The following AGPAT3 variants were observed in gnomAD, a reference collection of about 807,000 sequenced individuals.
AGPAT3 encodes 1-acyl-sn-glycerol-3-phosphate acyltransferase gamma.
AGPAT3 carries 5 observed loss-of-function variants against 47.3 expected under a neutral mutation model. The ratio of observed to expected loss-of-function variants is 0.11; its 90% CI spans 0.06 to 0.22. The LOEUF (loss-of-function observed/expected upper bound fraction) is 0.22, where lower values mean the gene tolerates loss of function less well. AGPAT3 is among the 10% of genes least tolerant of loss of function. The pLI is 1.00. For synonymous variants in AGPAT3, 212 were observed against 208.3 expected (o/e 1.02, Z -0.15); for missense variants, 315 against 493.0 (o/e 0.64, Z 3.42).
chr21:43,972,965 A>G (rs3788094), intron 7 of AGPAT3, among the ~76,000 whole-genome samples: 60,471 of 152,094 alleles, frequency 0.4, 12,832 homozygotes, highest in African/African-American at 0.55. Context: ...GTGCGTCCTG[A>G]TCAGCCGAGC....
At position 43,922,266 on chromosome 21, in the gene AGPAT3, T is replaced by C. The variant is rs1376363656; in HGVS notation, c.-49+18247T>C. ...GAGGAGTGGATGTGACGGAGGAGGC[T>C]CCTGTTCTTGTGGGGGTGGCGAGGC... is the stretch of plus-strand genomic sequence containing the variant. On this transcript the variant is annotated intron_variant, in intron 2 of 9. Coordinates refer to ENST00000291572, the MANE Select transcript of AGPAT3 (RefSeq NM_020132.5). The surrounding 1 kb of genome is among the most constrained non-coding windows in gnomAD (Gnocchi z 4.9). 3.3e-5 allele frequency among the ~76,000 whole-genome samples: 5 copies of C among 151,982 alleles called. No individual in the cohort carries two copies. The highest frequency in any genetic ancestry group is 1.2e-4 in the African/African-American group (5 of 41,366).
chr21:43,885,385 T>C (rs2085951834), intron 1 of AGPAT3, among the ~76,000 whole-genome samples: 1 of 148,764 alleles, frequency 6.7e-6, no homozygotes, highest in Admixed American at 6.6e-5. Flanking sequence ...CCAGTTTTTC[T>C]TTTTTCTTTT....
intron 7 of AGPAT3, among the ~76,000 whole-genome samples, chr21:43,974,310 T>A (rs1245156017): frequency 6.6e-6 from 1 of 151,784 alleles, no homozygotes; most frequent in Admixed American, 6.6e-5. Context: ...TCGTGTGGGG[T>A]GATGTATGTG....
Position 43,922,223 on chromosome 21 carries a change from C to T in AGPAT3, c.-49+18204C>T, listed in dbSNP as rs1167162254. On this transcript the variant is annotated intron_variant, in intron 2 of 9. Coordinates refer to ENST00000291572, the MANE Select transcript of AGPAT3 (RefSeq NM_020132.5). The surrounding 1 kb of genome is among the most constrained non-coding windows in gnomAD (Gnocchi z 4.9). ...ACGTGTGTGATGCATTTATCAGGGC[C>T]TTTCTCAGCCTGGGGACGAGGAGTG... 1.3e-5 allele frequency among the ~76,000 whole-genome samples: 2 copies of T among 152,102 alleles called. No homozygotes were observed.
chr21:43,910,353 C>T lies in AGPAT3; in HGVS notation c.-49+6334C>T, dbSNP rs568069344. On this transcript the variant is annotated intron_variant, in intron 2 of 9. Coordinates refer to ENST00000291572, the MANE Select transcript of AGPAT3 (RefSeq NM_020132.5). ...AGGTGTCTCCCAGCGGCTGTGGCCG[C>T]GCGTATTGCCAGCAGCAGTCTAGGG... 1.9e-4 allele frequency among the ~76,000 whole-genome samples: 29 copies of T among 152,230 alleles called. 1 individual carries two copies. The South Asian group carries it at 6.0e-3, about 32-fold the overall frequency.
At chr21:43,899,738 C>CGT (rs1396248009) in intron 1 of AGPAT3, among the ~76,000 whole-genome samples, 4 of 151,960 alleles carry the variant, frequency 2.6e-5, no homozygotes, top group East Asian at 1.9e-4. Context: ...GGCATCACCT[C>CGT]GTGTGTGTGT....
chr21:43,888,988 C>CAA (rs11389630), intron 1 of AGPAT3, among the ~76,000 whole-genome samples: 32 of 146,842 alleles, frequency 2.2e-4, no homozygotes, highest in Admixed American at 5.4e-4. Flanking sequence ...GAACTTGTCT[C>CAA]AAAAAAAAAA....
At chr21:43,898,811 G>A (rs749741256) in intron 1 of AGPAT3, among the ~76,000 whole-genome samples, 1 of 152,150 alleles carries the variant, frequency 6.6e-6, no homozygotes, top group Non-Finnish European at 1.5e-5. Flanking sequence ...ACAGGCGTGA[G>A]CCACCACACC....
rs1193729650 is a variant in AGPAT3, at chr21:43,876,513, TG to T, written c.-112+11169del. Among the ~76,000 whole-genome samples the T allele has an allele frequency of 2.0e-5, 3 of 152,256 alleles. No homozygotes were observed. The East Asian group carries it at 5.8e-4, about 29-fold the overall frequency. Reference sequence around the variant, plus strand: ...GGACTGATCTAGAATTACTTTAGGCTGATTTCCTGGGCTCACAAAGGGGATG... The same window carrying T: ...GGACTGATCTAGAATTACTTTAGGCTATTTCCTGGGCTCACAAAGGGGATG... On this transcript the variant is annotated intron_variant, in intron 1 of 9. Transcript: ENST00000291572.
intron 8 of AGPAT3, among the ~76,000 whole-genome samples, chr21:43,979,554 C>T (rs951780547): frequency 1.3e-5 from 2 of 152,164 alleles, no homozygotes; most frequent in Non-Finnish European, 1.5e-5. Context: ...TGCTGGGACC[C>T]TCTAAGAATT....
At chr21:43,907,731 C>A (rs374753211) in intron 2 of AGPAT3, among the ~76,000 whole-genome samples, 83 of 152,166 alleles carry the variant, frequency 5.5e-4, no homozygotes, top group African/African-American at 1.3e-3. Context: ...ACAACAACAA[C>A]AAAAAAACCG....
chr21:43,960,777 A>C (rs1386362886), intron 3 of AGPAT3: 1 of 985,170 alleles, frequency 1.0e-6, no homozygotes, highest in African/African-American at 1.7e-5. Context: ...AACAAAGTCC[A>C]TAGTATGCTA....
At position 43,952,119 on chromosome 21, in the gene AGPAT3, G is replaced by A. The variant is rs1486570166; in HGVS notation, c.-48-7515G>A. On this transcript the variant is annotated intron_variant, in intron 2 of 9. Transcript: ENST00000291572. The surrounding 1 kb of genome is among the most constrained non-coding windows in gnomAD (Gnocchi z 5.6). The stretch of plus-strand genomic sequence containing the variant: ...CTCCAGAACTACGGACCTGGGATGA[G>A]GCGGCCTGTGAGTGCGATTGGGCTG... Among the ~76,000 whole-genome samples, 1 of 152,144 alleles carries A rather than the reference G, an allele frequency of 6.6e-6. No homozygotes were observed. Among genetic ancestry groups the A allele is most frequent in the Non-Finnish European group, 1.5e-5 (1 of 68,018 alleles).
chr21:43,936,512 C>T (rs2146326640), intron 2 of AGPAT3, among the ~76,000 whole-genome samples: 1 of 152,358 alleles, frequency 6.6e-6, no homozygotes, highest in East Asian at 1.9e-4. Context: ...TCCTCATGTA[C>T]AAGGATTTCT....
chr21:43,932,727 T>C lies in AGPAT3; in HGVS notation c.-48-26907T>C, dbSNP rs2087295115. On this transcript the variant is annotated intron_variant, in intron 2 of 9. Coordinates refer to ENST00000291572, the MANE Select transcript of AGPAT3 (RefSeq NM_020132.5). This position sits in a 1 kb window ranked among gnomAD's most constrained non-coding sequence, Gnocchi z 5.2. ...GTGCGATGGCACGGTCTCGGCTCAC[T>C]GCAAGCTCCGCCTCTTGGGTTCAAG... Among the ~76,000 whole-genome samples the C allele has an allele frequency of 6.6e-6, 1 of 152,240 alleles. No individual in the cohort carries two copies. The highest frequency in any genetic ancestry group is 2.4e-5 in the African/African-American group (1 of 41,470).
At chr21:43,927,888 G>A (rs549523890) in intron 2 of AGPAT3, among the ~76,000 whole-genome samples, 138 of 152,332 alleles carry the variant, frequency 9.1e-4, no homozygotes, top group African/African-American at 3.0e-3. Flanking sequence ...GGCGACCGAC[G>A]TGCCTGGGGA....
chr21:43,954,284 G>A lies in AGPAT3; in HGVS notation c.-48-5350G>A, dbSNP rs2088336560. Among the ~76,000 whole-genome samples, 1 of 152,224 alleles carries A rather than the reference G, an allele frequency of 6.6e-6. No homozygotes were observed. The highest frequency in any genetic ancestry group is 1.5e-5 in the Non-Finnish European group (1 of 68,044). ...CTGCCATTGGAGGTTTGTGCAGTCA[G>A]GTTTATCAAGGAGGTCCAGGCGGGC... On this transcript the variant is annotated intron_variant, in intron 2 of 9. Coordinates refer to ENST00000291572, the MANE Select transcript of AGPAT3 (RefSeq NM_020132.5). The surrounding 1 kb of genome is among the most constrained non-coding windows in gnomAD (Gnocchi z 4.0).
intron 3 of AGPAT3, 104 bp downstream of exon 3, chr21:43,959,963 A>G (rs1483006362): frequency 7.8e-6 from 10 of 1,282,738 alleles, no homozygotes; most frequent in Admixed American, 2.2e-5. Flanking sequence ...AGTGAGGGCT[A>G]TGCAGGAGGT....
intron 7 of AGPAT3, among the ~76,000 whole-genome samples, chr21:43,972,184 G>A (rs1184777522): frequency 2.0e-5 from 3 of 151,724 alleles, no homozygotes; most frequent in Admixed American, 6.6e-5. Flanking sequence ...TCACCCCATC[G>A]CCCAGGCTGG....
Sources: allele counts gnomAD v4.1 joint callset (sites outside exome capture counted in the v4.1 genomes callset), GRCh38; gene constraint gnomAD v4.1.1; non-coding constraint Gnocchi (gnomAD v3.1); transcripts MANE v1.5; gene names NCBI Gene and HGNC (gene_info 2026-07-23, HGNC 2026-07-21).